The following VWA3B variants were observed in gnomAD, a reference collection of about 807,000 sequenced individuals.
VWA3B encodes the protein von Willebrand factor A domain-containing protein 3B.
In VWA3B, 138 loss-of-function variants were observed where a neutral mutation model predicts 158.3. The observed-to-expected ratio is 0.87, with a 90% CI of 0.76 to 1.00. The LOEUF (loss-of-function observed/expected upper bound fraction) is 1.00. Ranked by LOEUF, VWA3B falls within the 50% of genes least tolerant of loss-of-function variation. The probability of loss-of-function intolerance (pLI) is 0.00; values close to 1 mark genes in which losing one functional copy is unlikely to be tolerated. For missense variants in VWA3B, 1,555 were observed against 1,565.1 expected (o/e 0.99, Z 0.11); for synonymous variants, 596 against 587.3 (o/e 1.01, Z -0.21).
downstream of VWA3B, among the ~76,000 whole-genome samples, chr2:98,313,896 T>C (rs1171971186): frequency 1.3e-5 from 2 of 152,208 alleles, no homozygotes. Context: ...CCTACTTCAG[T>C]GTAATGGAGG....
intron 7 of VWA3B, among the ~76,000 whole-genome samples, chr2:98,157,319 C>T (rs1678168847): frequency 1.3e-5 from 2 of 152,100 alleles, no homozygotes. Flanking sequence ...TGGTTAATTT[C>T]CATAGGGTGG....
chr2:98,210,777 T>G (rs72948966), intron 12 of VWA3B, among the ~76,000 whole-genome samples: 1 of 152,166 alleles, frequency 6.6e-6, no homozygotes, highest in Non-Finnish European at 1.5e-5. Context: ...TCTGTTCACC[T>G]GTGGAAGTTG....
At chr2:98,187,670 G>C (rs754313618) in intron 9 of VWA3B, among the ~76,000 whole-genome samples, 7 of 126,514 alleles carry the variant, frequency 5.5e-5, no homozygotes, top group African/African-American at 1.9e-4. Context: ...GTGTCTGTGT[G>C]TGTGTGTGTG....
At chr2:98,227,779 G>A (rs1218177749) in intron 14 of VWA3B, among the ~76,000 whole-genome samples, 1 of 152,070 alleles carries the variant, frequency 6.6e-6, no homozygotes, top group Admixed American at 6.5e-5. Context: ...TTTACAATGG[G>A]GCACAAGGAA....
chr2:98,124,636 C>T (rs1675218177), intron 5 of VWA3B, among the ~76,000 whole-genome samples: 1 of 152,198 alleles, frequency 6.6e-6, no homozygotes, highest in African/African-American at 2.4e-5. Context: ...AAGGTGTACG[C>T]AGAACAAGAC....
At chr2:98,088,439 C>T (rs917255784) in intron 1 of VWA3B, among the ~76,000 whole-genome samples, 2 of 152,180 alleles carry the variant, frequency 1.3e-5, no homozygotes, top group Non-Finnish European at 2.9e-5. Flanking sequence ...AGACGGGGCC[C>T]TTGTACAGTT....
At chr2:98,196,592 TGCCCAGTAGTTGAGCGGGGGAGATG>T (rs1266965870) in intron 12 of VWA3B, among the ~76,000 whole-genome samples, 1 of 152,164 alleles carries the variant, frequency 6.6e-6, no homozygotes, top group Non-Finnish European at 1.5e-5. Context: ...TGGCCGCGCC[TGCCCAGTAGTTGAGCGGGGGAGATG>T]GAGGGAGCAG....
In VWA3B at chr2:98,194,448, G is replaced by T. The variant is rs1681864305; in HGVS notation, c.1693G>T (p.Glu565Ter). 1 of 1,613,984 alleles carries T rather than the reference G, an allele frequency of 6.2e-7. No individual in the cohort carries two copies. Among genetic ancestry groups the T allele is most frequent in the African/African-American group, 1.3e-5 (1 of 74,926 alleles). ...GCGGGAACAACTTGCTGAAGTCAATGAAGATAATTTGGAACAGGCTCAGTC... is the reference window on the plus strand; with the variant it reads ...GCGGGAACAACTTGCTGAAGTCAATTAAGATAATTTGGAACAGGCTCAGTC... The part of the protein sequence containing the change: ...AWREQLAEVN[E>*]DNLEQAQSWI... The change falls in exon 12 of 28, where the codon GAA (glutamate) becomes TAA (stop). Residue 565 changes from glutamate to a stop codon, truncating the protein, a stop_gained. Coordinates refer to ENST00000477737, the MANE Select transcript of VWA3B (RefSeq NM_144992.5). LOFTEE classifies it high-confidence loss of function.
At chr2:98,323,191 T>G in the VWA3B span, among the ~76,000 whole-genome samples, 2 of 152,090 alleles carry the variant, frequency 1.3e-5, no homozygotes, top group African/African-American at 4.8e-5. Flanking sequence ...GTAGCTACTA[T>G]AAAAGAAAGA....
At chr2:98,319,455 A>G in the VWA3B span, among the ~76,000 whole-genome samples, 8 of 152,372 alleles carry the variant, frequency 5.3e-5, no homozygotes, top group African/African-American at 1.4e-4. Context: ...TTAAAATTCA[A>G]TGAAAAAACT....
chr2:98,226,282 C>T lies in VWA3B; in HGVS notation c.2020-1920C>T, dbSNP rs760438430. ...TAGAAATACACCCACACAACATGCT[C>T]GACTGATTTTTGACAAAGATGCAAA... On this transcript the variant is annotated intron_variant, in intron 14 of 27. Transcript: ENST00000477737. Among the ~76,000 whole-genome samples the T allele has an allele frequency of 5.8e-4, 88 of 152,288 alleles. 2 individuals carry two copies. The Middle Eastern group carries it at 0.01, about 18-fold the overall frequency.
intron 10 of VWA3B, among the ~76,000 whole-genome samples, chr2:98,191,121 ATGTACTATT>A (rs145376765): frequency 0.017 from 2,550 of 152,122 alleles, 37 homozygotes; most frequent in Middle Eastern, 0.058. Context: ...CTAATGTCTA[ATGTACTATT>A]AATACCATGC....
intron 22 of VWA3B, among the ~76,000 whole-genome samples, chr2:98,282,795 C>A (rs1688959766): frequency 6.6e-6 from 1 of 152,128 alleles, no homozygotes; most frequent in African/African-American, 2.4e-5. Context: ...TTCCAGTGAA[C>A]TTACAGGCGT....
intron 22 of VWA3B, among the ~76,000 whole-genome samples, chr2:98,276,539 A>G (rs950180788): frequency 6.6e-6 from 1 of 152,260 alleles, no homozygotes; most frequent in Non-Finnish European, 1.5e-5. Context: ...ACTGATAACA[A>G]GCAGCAAAAT....
At position 98,199,074 on chromosome 2, in the gene VWA3B, G is replaced by A. The variant is rs952584123; in HGVS notation, c.1737+4582G>A. On this transcript the variant is annotated intron_variant, in intron 12 of 27. Coordinates refer to ENST00000477737, the MANE Select transcript of VWA3B (RefSeq NM_144992.5). ...TGCACTCCATCCTGGGCGACAGCGCGAGACTCCGTCTCAAAAAAAAAAAAA... is the reference window on the plus strand; with the variant it reads ...TGCACTCCATCCTGGGCGACAGCGCAAGACTCCGTCTCAAAAAAAAAAAAA... Among the ~76,000 whole-genome samples the A allele has an allele frequency of 1.4e-4, 19 of 131,486 alleles. No homozygotes were observed. In the South Asian group the frequency reaches 4.3e-3, roughly 29 times the overall value. The allele number at this position is 131,486 out of a possible 152,430, so 86.3% of individuals were successfully genotyped here. A position where few individuals can be genotyped will look rare whatever the true frequency, so the allele number is the denominator to read the frequency against.
In VWA3B at chr2:98,270,794, GAA is replaced by G; in HGVS notation, c.2958_2959del (p.Glu986AspfsTer59). The G allele has an allele frequency of 6.2e-7, 1 of 1,614,168 alleles. No homozygotes were observed. The highest frequency in any genetic ancestry group is 8.5e-7 in the Non-Finnish European group (1 of 1,179,994). ...SLKELSMLES[E>X]ILAGKMYIQQ... ...GAAAGAGCTGTCGATGCTGGAAAGT[GAA>G]ATCCTAGCTGGGAAAATGTACATCC... On this transcript the variant is annotated frameshift_variant, in exon 22 of 28. Transcript: ENST00000477737. LOFTEE classifies it high-confidence loss of function.
intron 7 of VWA3B, among the ~76,000 whole-genome samples, chr2:98,159,078 GAC>G (rs1678353411): frequency 1.3e-5 from 2 of 152,162 alleles, no homozygotes; most frequent in African/African-American, 2.4e-5. Context: ...GTATCCTGTG[GAC>G]TTTTCTCCTT....
rs61535424 is a variant in VWA3B at position 98,169,715 on chromosome 2, CTGTGTGTGTGTGTGTGTG to C, written c.1114+6769_1114+6786del. On this transcript the variant is annotated intron_variant, in intron 8 of 27. Transcript: ENST00000477737. ...CGTGGGTGGGACACACCTGGGCATTCTGTGTGTGTGTGTGTGTGTGTGTGTGTGTGTGTGTGTGTGTGT... is the reference window on the plus strand; with the variant it reads ...CGTGGGTGGGACACACCTGGGCATTCTGTGTGTGTGTGTGTGTGTGTGTGT... Among the ~76,000 whole-genome samples, 67 of 134,334 alleles carry C rather than the reference CTGTGTGTGTGTGTGTGTG, an allele frequency of 5.0e-4. 1 individual carries two copies. The highest frequency in any genetic ancestry group is 1.7e-3 in the African/African-American group (62 of 36,850). 88.1% of individuals were successfully genotyped at this position (134,334 alleles called of 152,430 possible). A position where few individuals can be genotyped will look rare whatever the true frequency, so the allele number is the denominator to read the frequency against.
intron 12 of VWA3B, among the ~76,000 whole-genome samples, chr2:98,197,630 G>A (rs1201450214): frequency 6.6e-6 from 1 of 152,082 alleles, no homozygotes; most frequent in Non-Finnish European, 1.5e-5. Flanking sequence ...TTATTTCAAT[G>A]TGGACTCATG....
Sources: gnomAD v4.1 joint callset for allele counts (sites outside exome capture counted in the v4.1 genomes callset) on GRCh38, gnomAD v4.1.1 for gene constraint, MANE v1.5 for transcripts, NCBI Gene and HGNC (gene_info 2026-07-23, HGNC 2026-07-21) for gene names.